TBCK: variants seen among roughly 807,000 people sequenced by gnomAD.
TBCK encodes TBC domain-containing protein kinase-like protein.
In TBCK, 99 loss-of-function variants were observed where a neutral mutation model predicts 113.4. The ratio of observed to expected loss-of-function variants is 0.87; its 90% CI spans 0.74 to 1.03. The LOEUF is 1.03. Among genes scored for constraint, TBCK ranks in the 50% least tolerant of loss-of-function variants. TBCK has a pLI of 0.00. For synonymous variants in TBCK, 369 were observed against 370.8 expected (o/e 1.00, Z 0.05); for missense variants, 1,045 against 1,061.3 (o/e 0.98, Z 0.21).
chr4:106,096,088 A>C (rs1437455903), intron 24 of TBCK, among the ~76,000 whole-genome samples: 4 of 152,164 alleles, frequency 2.6e-5, no homozygotes, highest in Non-Finnish European at 5.9e-5. Context: ...AAATGAAAGG[A>C]GAGAGAATCA....
At chr4:106,130,252 G>A (rs1233338874) in intron 23 of TBCK, among the ~76,000 whole-genome samples, 1 of 152,052 alleles carries the variant, frequency 6.6e-6, no homozygotes, top group East Asian at 1.9e-4. Context: ...ATTAAAATAT[G>A]CACATCTTTT....
chr4:106,293,966 T>C (rs1765991772), intron 3 of TBCK, among the ~76,000 whole-genome samples: 1 of 152,216 alleles, frequency 6.6e-6, no homozygotes, highest in Admixed American at 6.5e-5. Context: ...GTTCATTTAA[T>C]AGTATATTTC....
At chr4:106,063,384 C>T (rs563293645) in intron 25 of TBCK, among the ~76,000 whole-genome samples, 2 of 151,938 alleles carry the variant, frequency 1.3e-5, no homozygotes, top group African/African-American at 2.4e-5. Context: ...ACCCATGACA[C>T]GTTTAGAAGT....
intron 2 of TBCK, among the ~76,000 whole-genome samples, chr4:106,303,937 C>T (rs568495798): frequency 1.2e-3 from 190 of 152,208 alleles, no homozygotes; most frequent in African/African-American, 4.4e-3. Flanking sequence ...TCAGATGATG[C>T]TAGCATTGCC....
At chr4:106,312,152 T>C (rs1199811059) in intron 1 of TBCK, among the ~76,000 whole-genome samples, 1 of 152,088 alleles carries the variant, frequency 6.6e-6, no homozygotes, top group East Asian at 1.9e-4. Context: ...AAGGGAAATA[T>C]TATTTACATC....
rs921236752 is a variant in TBCK at position 106,157,847 on chromosome 4, G to A, written c.2235+13248C>T. 2.0e-5 allele frequency among the ~76,000 whole-genome samples: 3 copies of A among 152,112 alleles called. No homozygotes were observed. In the East Asian group the frequency reaches 5.8e-4, roughly 29 times the overall value. ...TGTCTGTGCAGAAGACATGCTCGGT[G>A]AAGACTTCAATTTGGCCATCTTACT... On this transcript the variant is annotated intron_variant, in intron 23 of 25. Coordinates refer to ENST00000394708, the MANE Select transcript of TBCK (RefSeq NM_001163435.3).
At chr4:106,090,127 C>T (rs1740042721) in intron 25 of TBCK, among the ~76,000 whole-genome samples, 1 of 152,266 alleles carries the variant, frequency 6.6e-6, no homozygotes, top group South Asian at 2.1e-4. Flanking sequence ...GACTTCCCCA[C>T]ACGTGCTCTG....
intron 9 of TBCK, 99 bp from the exon 10 acceptor site, chr4:106,247,386 C>A: frequency 9.4e-7 from 1 of 1,062,346 alleles, no homozygotes. Context: ...TCTTAAATAC[C>A]TCATTAGCAC....
At chr4:106,242,687 C>T (rs1463508202) in intron 11 of TBCK, 118 bp from the exon 12 acceptor site, 6 of 567,106 alleles carry the variant, frequency 1.1e-5, no homozygotes, top group Non-Finnish European at 1.8e-5. Context: ...AAACTTTAGA[C>T]TGGATGTTTA....
At chr4:106,165,867 C>T (rs940227567) in intron 23 of TBCK, among the ~76,000 whole-genome samples, 1 of 151,694 alleles carries the variant, frequency 6.6e-6, no homozygotes, top group African/African-American at 2.4e-5. Flanking sequence ...CCAAGTCCAT[C>T]TAACAGCAAA....
intron 3 of TBCK, among the ~76,000 whole-genome samples, chr4:106,272,269 G>T (rs1763570467): frequency 6.6e-6 from 1 of 152,054 alleles, no homozygotes; most frequent in South Asian, 2.1e-4. Context: ...AATATAACAT[G>T]CTTATAGAGC....
chr4:106,252,031 GA>G (rs766263319), intron 5 of TBCK, 24 bp from the exon 6 acceptor site: 1 of 1,562,660 alleles, frequency 6.4e-7, no homozygotes, highest in Admixed American at 1.9e-5. Flanking sequence ...TTAAAATAAT[GA>G]AAAATTACAA....
intron 22 of TBCK, among the ~76,000 whole-genome samples, chr4:106,193,365 C>T (rs1303360604): frequency 6.6e-6 from 1 of 152,060 alleles, no homozygotes; most frequent in Non-Finnish European, 1.5e-5. Context: ...TGGCATTTTA[C>T]CCATTTAGTA....
At position 106,247,161 on chromosome 4, in the gene TBCK, C is replaced by T; in HGVS notation, c.909G>A (p.Glu303=). The change falls in exon 10 of 26, where the codon GAG becomes GAA. Residue 303 remains glutamate (E), a synonymous_variant. Coordinates refer to ENST00000394708, the MANE Select transcript of TBCK (RefSeq NM_001163435.3). ...TACCTTTACACAACTGACTGATATC[C>T]TCAGGCAGAGTTAAATCAGCACATC... is the stretch of plus-strand genomic sequence containing the variant. The part of the protein sequence containing the change: ...SLRCADLTLP[E]DISQLCKDIN... 1 of 1,613,100 alleles carries T rather than the reference C, an allele frequency of 6.2e-7. No individual in the cohort carries two copies. Among genetic ancestry groups the T allele is most frequent in the Non-Finnish European group, 8.5e-7 (1 of 1,179,542 alleles).
chr4:106,235,126 T>C (rs1030225366), intron 15 of TBCK, 143 bp downstream of exon 15: 40 of 477,010 alleles, frequency 8.4e-5, no homozygotes, highest in African/African-American at 6.8e-4. Flanking sequence ...TTCTTTCCAC[T>C]TAAAATTGCC....
chr4:106,254,767 C>T (rs1030239606), intron 5 of TBCK, among the ~76,000 whole-genome samples: 2 of 151,956 alleles, frequency 1.3e-5, no homozygotes, highest in Non-Finnish European at 2.9e-5. Flanking sequence ...TAGTGCCAGC[C>T]GTATACTAAA....
chr4:106,175,648 A>G (rs903508086), intron 22 of TBCK, among the ~76,000 whole-genome samples: 2 of 152,036 alleles, frequency 1.3e-5, no homozygotes, highest in Non-Finnish European at 2.9e-5. Flanking sequence ...ACTACTCCAG[A>G]GAATGCCTCT....
intron 22 of TBCK, among the ~76,000 whole-genome samples, chr4:106,181,240 T>C (rs1045005609): frequency 7.2e-5 from 11 of 152,222 alleles, no homozygotes; most frequent in African/African-American, 2.4e-4. Flanking sequence ...GTAAATTTGT[T>C]TAAGTTCTTT....
intron 24 of TBCK, among the ~76,000 whole-genome samples, chr4:106,111,167 A>C (rs1049649775): frequency 1.3e-5 from 2 of 152,146 alleles, no homozygotes; most frequent in African/African-American, 4.8e-5. Flanking sequence ...AGGGAGAGAA[A>C]TTATAAAGAG....
Sources: allele counts gnomAD v4.1 joint callset (sites outside exome capture counted in the v4.1 genomes callset), GRCh38; gene constraint gnomAD v4.1.1; transcripts MANE v1.5; gene names NCBI Gene and HGNC (gene_info 2026-07-23, HGNC 2026-07-21).